MITF: variants seen among roughly 807,000 people sequenced by gnomAD.
MITF encodes melanocyte inducing transcription factor, also known as microphthalmia-associated transcription factor.
A neutral mutation model predicts 60.5 loss-of-function variants in MITF; 17 were observed. The ratio of observed to expected loss-of-function variants is 0.28; its 90% CI spans 0.19 to 0.42. The LOEUF is 0.42. MITF is among the 10% of genes least tolerant of loss of function. MITF has a pLI of 1.00. For synonymous variants in MITF, 260 were observed against 248.5 expected (o/e 1.05, Z -0.43); for missense variants, 622 against 683.5 (o/e 0.91, Z 1.00).
intron 4 of MITF, among the ~76,000 whole-genome samples, chr3:69,939,559 G>T (rs1031759217): frequency 2.0e-5 from 3 of 151,910 alleles, no homozygotes; most frequent in Admixed American, 2.0e-4. Flanking sequence ...TTTCCTAAAT[G>T]GAATCTCATG....
chr3:69,835,871 T>A (rs1214253209), intron 1 of MITF, among the ~76,000 whole-genome samples: 1 of 152,210 alleles, frequency 6.6e-6, no homozygotes, highest in Non-Finnish European at 1.5e-5. Context: ...CTGTTTTGAT[T>A]ACTATAATTT....
At chr3:69,753,923 A>G (rs925569751) in intron 1 of MITF, among the ~76,000 whole-genome samples, 8 of 152,212 alleles carry the variant, frequency 5.3e-5, no homozygotes, top group Non-Finnish European at 1.2e-4. Flanking sequence ...TAATGCTGGA[A>G]TAAGTTAAGA....
intron 1 of MITF, among the ~76,000 whole-genome samples, chr3:69,792,747 T>A (rs2062760785): frequency 6.6e-6 from 1 of 152,100 alleles, no homozygotes. Flanking sequence ...CTACTTTTAA[T>A]GGCTAATTTT....
chr3:69,919,030 G>A (rs936043289), intron 2 of MITF, among the ~76,000 whole-genome samples: 8 of 152,080 alleles, frequency 5.3e-5, no homozygotes, highest in Admixed American at 1.3e-4. Flanking sequence ...CTTCTCGCTC[G>A]TTCTCTTTTA....
At chr3:69,863,660 G>GGTTT (rs2064058051) in intron 1 of MITF, among the ~76,000 whole-genome samples, 2 of 152,142 alleles carry the variant, frequency 1.3e-5, no homozygotes, top group African/African-American at 4.8e-5. Flanking sequence ...GTGCCTTGTA[G>GGTTT]GTTTACTCAG....
chr3:69,908,031 T>C (rs1481776070), intron 2 of MITF, among the ~76,000 whole-genome samples: 1 of 152,194 alleles, frequency 6.6e-6, no homozygotes, highest in Non-Finnish European at 1.5e-5. Flanking sequence ...TTTTTGTTGT[T>C]GTTTGTTTTG....
intron 2 of MITF, among the ~76,000 whole-genome samples, chr3:69,916,436 G>A (rs974960539): frequency 6.6e-6 from 1 of 152,116 alleles, no homozygotes; most frequent in Non-Finnish European, 1.5e-5. Context: ...AATAAAATTA[G>A]TATACTTGAT....
In MITF at chr3:69,959,352, G is replaced by A. The variant is rs780721280; in HGVS notation, c.1111G>A (p.Ala371Thr). The change falls in exon 9 of 10, where the codon GCA becomes ACA. Residue 371 changes from alanine (A) to threonine (T), a missense_variant. Ala to Thr is a moderately conservative substitution (Grantham distance 58, BLOSUM62 0). Coordinates refer to ENST00000352241, the MANE Select transcript of MITF (RefSeq NM_001354604.2). ...IRKLQREQQR[A>T]KELENRQKKL... ...AAAGTTGCAACGAGAACAGCAACGC[G>A]CAAAAGAACTTGAAAACCGACAGAA... The A allele has an allele frequency of 5.0e-6, 8 of 1,613,950 alleles. No homozygotes were observed. The highest frequency in any genetic ancestry group is 5.9e-6 in the Non-Finnish European group (7 of 1,179,934).
intron 1 of MITF, among the ~76,000 whole-genome samples, chr3:69,866,822 C>A (rs1011439027): frequency 9.9e-5 from 15 of 151,096 alleles, no homozygotes; most frequent in Non-Finnish European, 2.2e-4. Flanking sequence ...TTTGGTTTCT[C>A]CCCCCACCTT....
At chr3:69,923,132 A>C (rs1272859735) in intron 2 of MITF, among the ~76,000 whole-genome samples, 1 of 152,224 alleles carries the variant, frequency 6.6e-6, no homozygotes, top group Admixed American at 6.5e-5. Flanking sequence ...CAGTTTCAAA[A>C]GCAGAAATAA....
At chr3:69,950,578 A>G (rs2066223465) in intron 6 of MITF, among the ~76,000 whole-genome samples, 1 of 149,214 alleles carries the variant, frequency 6.7e-6, no homozygotes, top group Non-Finnish European at 1.5e-5. Context: ...ATGCATATAG[A>G]TATGCATATA....
chr3:69,927,572 G>A (rs564176341), intron 2 of MITF, among the ~76,000 whole-genome samples: 1 of 152,284 alleles, frequency 6.6e-6, no homozygotes, highest in East Asian at 1.9e-4. Context: ...TCAATGTAGT[G>A]TACTAGACAA....
chr3:69,896,062 G>A (rs1373735489), intron 2 of MITF, among the ~76,000 whole-genome samples: 2 of 151,744 alleles, frequency 1.3e-5, no homozygotes, highest in Non-Finnish European at 2.9e-5. Flanking sequence ...ATAAACTTGG[G>A]CAAGTGACTT....
At chr3:69,963,773 A>G (rs139964175) in intron 9 of MITF, among the ~76,000 whole-genome samples, 127 of 152,192 alleles carry the variant, frequency 8.3e-4, no homozygotes, top group Non-Finnish European at 1.4e-3. Context: ...AGTATATAGC[A>G]CAGTCTGATG....
chr3:69,821,686 A>AG (rs1553684433), intron 1 of MITF, among the ~76,000 whole-genome samples: 2 of 128,980 alleles, frequency 1.6e-5, no homozygotes, highest in African/African-American at 5.4e-5. Context: ...GGAAAAAAAA[A>AG]AACTAAAAAA....
intron 2 of MITF, among the ~76,000 whole-genome samples, chr3:69,886,117 G>T (rs777393609): frequency 1.3e-5 from 2 of 152,056 alleles, no homozygotes; most frequent in Non-Finnish European, 2.9e-5. Flanking sequence ...CTCCTGGAGG[G>T]AATGACCTGA....
At chr3:69,787,080 G>C (rs2062662394) in intron 1 of MITF, among the ~76,000 whole-genome samples, 1 of 152,210 alleles carries the variant, frequency 6.6e-6, no homozygotes, top group Admixed American at 6.5e-5. Flanking sequence ...TGGTGAGAGA[G>C]AGAGAGATTG....
intron 8 of MITF, among the ~76,000 whole-genome samples, chr3:69,958,238 A>G (rs969159762): frequency 5.9e-5 from 9 of 152,158 alleles, no homozygotes; most frequent in Admixed American, 5.2e-4. Flanking sequence ...ATTTATTTTA[A>G]CTACATTTCT....
intron 1 of MITF, among the ~76,000 whole-genome samples, chr3:69,761,557 A>AT (rs2062212668): frequency 1.3e-5 from 2 of 152,168 alleles, no homozygotes; most frequent in Non-Finnish European, 2.9e-5. Context: ...ACTTATGTTG[A>AT]TTTTTGAATG....
Sources: gnomAD v4.1 joint callset for allele counts (sites outside exome capture counted in the v4.1 genomes callset) on GRCh38, gnomAD v4.1.1 for gene constraint, MANE v1.5 for transcripts, NCBI Gene and HGNC (gene_info 2026-07-23, HGNC 2026-07-21) for gene names.